Variants in MOV10L1 observed in about 807,000 individuals in gnomAD.
The protein encoded by MOV10L1 is RNA helicase Mov10l1.
In MOV10L1, 110 loss-of-function variants were observed where a neutral mutation model predicts 143.8. The observed-to-expected ratio is 0.76, with a 90% CI of 0.66 to 0.90. The LOEUF (loss-of-function observed/expected upper bound fraction) is 0.90. MOV10L1 is among the 40% of genes least tolerant of loss of function. MOV10L1 has a pLI of 0.00. For missense variants in MOV10L1, 1,406 were observed against 1,526.8 expected, an observed-to-expected ratio of 0.92 and a Z score of 1.32; for synonymous variants, 593 against 581.1, an observed-to-expected ratio of 1.02 and a Z score of -0.29.
At chr22:50,149,119 G>A (rs1031979741) in intron 19 of MOV10L1, among the ~76,000 whole-genome samples, 16 of 152,352 alleles carry the variant, frequency 1.1e-4, no homozygotes, top group South Asian at 2.1e-4. Context: ...ATCTGTGGCC[G>A]CCTGCATGGC....
In MOV10L1 at chr22:50,117,371, T is replaced by C. The variant is rs753794952; in HGVS notation, c.1454+20T>C. The C allele has an allele frequency of 1.9e-6, 3 of 1,605,432 alleles. No individual in the cohort carries two copies. The highest frequency in any genetic ancestry group is 4.5e-5 in the East Asian group (2 of 44,788). On this transcript the variant is annotated intron_variant, in intron 9 of 26. Transcript: ENST00000262794. The stretch of plus-strand genomic sequence containing the variant: ...GAAAAGGTACCATAACTGAAATGAG[T>C]GTGGCTCTTGGTCTGGCAGTTTTAT...
At position 50,099,462 on chromosome 22, in the gene MOV10L1, A is replaced by T. The variant is rs373495128; in HGVS notation, c.302A>T (p.Lys101Met). 13 of 1,614,062 alleles carry T rather than the reference A, an allele frequency of 8.1e-6. No homozygotes were observed. The highest frequency in any genetic ancestry group is 1.1e-5 in the Non-Finnish European group (13 of 1,179,956). ...KAIRVEAVSD[K>M]WEDDSRNHGS... ...TTACAGGTAGAAGCTGTCTCTGATA[A>T]GTGGGAAGACGACAGCAGAAACCAT... The change falls in exon 3 of 27, where the codon AAG becomes ATG. Residue 101 changes from lysine to methionine, a missense_variant. Transcript: ENST00000262794.
At chr22:50,120,781 C>T (rs748145467) in intron 10 of MOV10L1, among the ~76,000 whole-genome samples, 165 bp downstream of exon 10, 11 of 152,296 alleles carry the variant, frequency 7.2e-5, no homozygotes, top group Non-Finnish European at 1.5e-5. Context: ...GGATGAGGCA[C>T]CATAGCACTC....
rs139092160 is a variant in MOV10L1 at position 50,144,237 on chromosome 22, C to G, written c.2499C>G (p.Phe833Leu). The G allele has an allele frequency of 2.5e-6, 4 of 1,600,228 alleles. No individual in the cohort carries two copies. Among genetic ancestry groups the G allele is most frequent in the Non-Finnish European group, 3.4e-6 (4 of 1,169,926 alleles). Residue 833 changes from phenylalanine to leucine, a missense_variant, in exon 18 of 27, where the codon TTC becomes TTG. Around this residue, in one of 3 missense-constraint regions of MOV10L1, gnomAD observed 1,233 missense variants for 1,351.4 expected, o/e 0.91. Coordinates refer to ENST00000262794, the MANE Select transcript of MOV10L1 (RefSeq NM_018995.3). ...TCCGGGTGAACGCCACCTGCAGGTT[C>G]GAGGAGGTGAGCCCTTGGTGCAAGC... Reference protein sequence around the residue: ...TMVRVNATCRFEEIVIDAVKP... With the variant: ...TMVRVNATCRLEEIVIDAVKP...
chr22:50,152,760 C>G lies in MOV10L1; in HGVS notation c.2893-285C>G, dbSNP rs964020518. 4.6e-5 allele frequency among the ~76,000 whole-genome samples: 7 copies of G among 152,264 alleles called. No homozygotes were observed. The highest frequency in any genetic ancestry group is 3.9e-4 in the East Asian group (2 of 5,174). On this transcript the variant is annotated intron_variant, in intron 21 of 26. Transcript: ENST00000262794. This position sits in a 1 kb window ranked among gnomAD's most constrained non-coding sequence, Gnocchi z 4.4. ...GCTGCTGGGTTCCAGGTGGCAGGAG[C>G]CCTTTAAGAGGCCCCTCAGCGGCAC...
At chr22:50,106,012 C>G (rs925654780) in intron 3 of MOV10L1, among the ~76,000 whole-genome samples, 1 of 152,190 alleles carries the variant, frequency 6.6e-6, no homozygotes. Flanking sequence ...TGGTGCTTTA[C>G]TCCGTTAACA....
At chr22:50,097,005 T>C (rs111778321) in intron 2 of MOV10L1, among the ~76,000 whole-genome samples, 6,181 of 152,340 alleles carry the variant, frequency 0.041, 203 homozygotes, top group African/African-American at 0.082. Context: ...TTTTATTGCA[T>C]GTACTTCTGA....
At chr22:50,090,719 C>G (rs8140486) in intron 1 of MOV10L1, 155,663 of 646,850 alleles carry the variant, frequency 0.24, 19,989 homozygotes, top group Admixed American at 0.37. Context: ...TCTTGTTGCC[C>G]AGGCTGGAGT....
At position 50,114,484 on chromosome 22, in the gene MOV10L1, C is replaced by A. The variant is rs749789458; in HGVS notation, c.988C>A (p.Pro330Thr). 6.2e-7 allele frequency: 1 copy of A among 1,614,100 alleles called. No individual in the cohort carries two copies. The highest frequency in any genetic ancestry group is 1.1e-5 in the South Asian group (1 of 91,078). The change falls in exon 7 of 27, where the codon CCC (proline) becomes ACC (threonine). Residue 330 changes from proline (P) to threonine (T), a missense_variant. Transcript: ENST00000262794. ...AATGCTGGATAAAGACCAGATGTGC[C>A]CCGTGGTATCTTTTGTTTCTGTTCC... ...FQMLDKDQMC[P>T]VVSFVSVPEK...
At position 50,152,392 on chromosome 22, in the gene MOV10L1, C is replaced by T. The variant is rs1360272566; in HGVS notation, c.2893-653C>T. 6.6e-6 allele frequency among the ~76,000 whole-genome samples: 1 copy of T among 152,216 alleles called. No homozygotes were observed. Among genetic ancestry groups the T allele is most frequent in the African/African-American group, 2.4e-5 (1 of 41,450 alleles). On this transcript the variant is annotated intron_variant, in intron 21 of 26. Coordinates refer to ENST00000262794, the MANE Select transcript of MOV10L1 (RefSeq NM_018995.3). This position sits in a 1 kb window ranked among gnomAD's most constrained non-coding sequence, Gnocchi z 4.4. ...AGCATTGCTCTGACTGGTTGAACTC[C>T]TGTAGTCGCTGGAGACCCTCTCTGG...
chr22:50,090,088 C>A lies in MOV10L1; in HGVS notation c.-1C>A. 3.0e-6 allele frequency: 4 copies of A among 1,325,458 alleles called. No individual in the cohort carries two copies. The highest frequency in any genetic ancestry group is 9.6e-7 in the Non-Finnish European group (1 of 1,037,388). The allele number at this position is 1,325,458 out of a possible 1,614,324, so 82.1% of individuals were successfully genotyped here. A position where few individuals can be genotyped will look rare whatever the true frequency, so the allele number is the denominator to read the frequency against. The stretch of plus-strand genomic sequence containing the variant: ...ACGGCAGCCTAGGCCGGGCGAGGGC[C>A]ATGCTGAGCCTCGCAGCCAAGCTGG... On this transcript the variant is annotated 5_prime_UTR_variant, in exon 1 of 27. Coordinates refer to ENST00000262794, the MANE Select transcript of MOV10L1 (RefSeq NM_018995.3).
intron 11 of MOV10L1, among the ~76,000 whole-genome samples, chr22:50,125,927 A>G (rs2062488855): frequency 2.0e-5 from 3 of 150,164 alleles, no homozygotes. Context: ...AGCTGGAACT[A>G]CAGGCGCCCG....
chr22:50,155,263 GTT>G (rs199534596), intron 22 of MOV10L1, among the ~76,000 whole-genome samples: 4 of 137,832 alleles, frequency 2.9e-5, no homozygotes, highest in African/African-American at 5.3e-5. Context: ...TGTTTTGTGG[GTT>G]TTTTTTTTTT....
rs71198216 is a variant in MOV10L1 at position 50,106,699 on chromosome 22, CT to C, written c.443-1417del. On this transcript the variant is annotated intron_variant, in intron 3 of 26. Coordinates refer to ENST00000262794, the MANE Select transcript of MOV10L1 (RefSeq NM_018995.3). ...TTAAATTGTGGTTTTAGGACATGGT[CT>C]TTTTTTTTTTTTTTTTTTTGAGACG... Among the ~76,000 whole-genome samples the C allele has an allele frequency of 6.3e-3, 759 of 120,696 alleles. 15 individuals carry two copies. The highest frequency in any genetic ancestry group is 0.041 in the Admixed American group (460 of 11,128). The allele number at this position is 120,696 out of a possible 152,430, so 79.2% of individuals were successfully genotyped here.
intron 10 of MOV10L1, among the ~76,000 whole-genome samples, chr22:50,122,735 CTTTCT>C (rs1254399494): frequency 7.3e-5 from 11 of 151,302 alleles, no homozygotes; most frequent in Non-Finnish European, 2.9e-5. Flanking sequence ...TTCTTTCTTT[CTTTCT>C]TTCTTTCTTT....
chr22:50,128,396 ATT>A lies in MOV10L1; in HGVS notation c.1819-19_1819-18del. Reference sequence around the variant, plus strand: ...CACATTATTTCAAGAAATCAGGTATATTGTTTGTTCCTTTTTTAGATTCATGA... The same window carrying A: ...CACATTATTTCAAGAAATCAGGTATAGTTTGTTCCTTTTTTAGATTCATGA... On this transcript the variant is annotated intron_variant, in intron 12 of 26. Coordinates refer to ENST00000262794, the MANE Select transcript of MOV10L1 (RefSeq NM_018995.3). The A allele has an allele frequency of 8.0e-7, 1 of 1,256,756 alleles. No homozygotes were observed. Among genetic ancestry groups the A allele is most frequent in the South Asian group, 1.3e-5 (1 of 79,142 alleles). 77.9% of individuals were successfully genotyped at this position (1,256,756 alleles called of 1,614,324 possible).
chr22:50,127,053 T>C (rs2062527712), intron 12 of MOV10L1, among the ~76,000 whole-genome samples: 1 of 152,176 alleles, frequency 6.6e-6, no homozygotes, highest in Admixed American at 6.5e-5. Context: ...GGCCATCGCC[T>C]GTGGACTGAG....
intron 2 of MOV10L1, among the ~76,000 whole-genome samples, chr22:50,097,668 T>C (rs1213377743): frequency 1.3e-5 from 2 of 152,210 alleles, no homozygotes; most frequent in African/African-American, 2.4e-5. Flanking sequence ...TTGTAGGAAG[T>C]TTTGAAATCA....
At chr22:50,135,578 C>A (rs2062802134) in intron 15 of MOV10L1, among the ~76,000 whole-genome samples, 1 of 151,580 alleles carries the variant, frequency 6.6e-6, no homozygotes. Flanking sequence ...TGGTGAAACC[C>A]CATCTCTACT....
Sources: allele counts gnomAD v4.1 joint callset (sites outside exome capture counted in the v4.1 genomes callset), GRCh38; gene constraint gnomAD v4.1.1; regional missense constraint gnomAD v4.1.1; non-coding constraint Gnocchi (gnomAD v3.1); transcripts MANE v1.5; gene names NCBI Gene and HGNC (gene_info 2026-07-23, HGNC 2026-07-21).